Variants in PCDH15 observed in about 807,000 individuals in gnomAD.
The protein encoded by PCDH15 is protocadherin related 15.
In PCDH15, 129 loss-of-function variants were observed where a neutral mutation model predicts 178.5. The ratio of observed to expected loss-of-function variants is 0.72; its 90% CI spans 0.63 to 0.84. The LOEUF (loss-of-function observed/expected upper bound fraction) is 0.84. PCDH15 is among the 40% of genes least tolerant of loss of function. The pLI is 0.00. For synonymous variants in PCDH15, 800 were observed against 732.0 expected (o/e 1.09, Z -1.50); for missense variants, 2,230 against 2,099.9 (o/e 1.06, Z -1.21).
chr10:53,895,175 C>A (rs941912344), intron 26 of PCDH15, among the ~76,000 whole-genome samples: 2 of 152,124 alleles, frequency 1.3e-5, no homozygotes, highest in African/African-American at 4.8e-5. Flanking sequence ...GGAGCCCTAA[C>A]CTCTGTCTAG....
At chr10:54,008,645 G>C (rs1239622605) in intron 20 of PCDH15, among the ~76,000 whole-genome samples, 1 of 152,158 alleles carries the variant, frequency 6.6e-6, no homozygotes, top group Admixed American at 6.5e-5. Flanking sequence ...ACCCTCATCA[G>C]AGAAAAGGCC....
intron 14 of PCDH15, among the ~76,000 whole-genome samples, chr10:54,140,645 T>C (rs1477552836): frequency 6.6e-6 from 1 of 151,388 alleles, no homozygotes; most frequent in Non-Finnish European, 1.5e-5. Context: ...ATTTTTTGTA[T>C]TTTAGTAGAG....
chr10:55,588,761 C>G lies in PCDH15; in HGVS notation c.-156+38864G>C, dbSNP rs574982095. 2.0e-5 allele frequency among the ~76,000 whole-genome samples: 3 copies of G among 152,040 alleles called. No homozygotes were observed. The South Asian group carries it at 6.2e-4, about 32-fold the overall frequency. On this transcript the variant is annotated intron_variant, in intron 2 of 5. Transcript: ENST00000613346. ...AAAAAGGTGAATATAAAATTTTGCT[C>G]TAGCAACACTATGAAAAACTGTTCG...
intron 15 of PCDH15, among the ~76,000 whole-genome samples, chr10:54,108,163 A>G (rs1281115085): frequency 6.6e-6 from 1 of 152,134 alleles, no homozygotes; most frequent in African/African-American, 2.4e-5. Context: ...CTTTCATAAC[A>G]AGAAAATGTC....
chr10:54,686,527 T>C (rs1591052377), intron 1 of PCDH15, among the ~76,000 whole-genome samples: 1 of 152,270 alleles, frequency 6.6e-6, no homozygotes, highest in Admixed American at 6.5e-5. Flanking sequence ...TATTTCTTTT[T>C]GCACTTTAAT....
At chr10:55,440,927 T>G (rs1839169971) in intron 2 of PCDH15, among the ~76,000 whole-genome samples, 1 of 152,122 alleles carries the variant, frequency 6.6e-6, no homozygotes, top group African/African-American at 2.4e-5. Flanking sequence ...CCATTAGATC[T>G]GATGAGACTT....
chr10:54,940,103 G>A (rs1352502288), intron 2 of PCDH15, among the ~76,000 whole-genome samples: 1 of 151,980 alleles, frequency 6.6e-6, no homozygotes, highest in African/African-American at 2.4e-5. Context: ...TTTTTAAAAT[G>A]TATCAGTGTC....
At chr10:55,022,523 G>GCAAAC (rs1840356519) in intron 2 of PCDH15, among the ~76,000 whole-genome samples, 1 of 151,104 alleles carries the variant, frequency 6.6e-6, no homozygotes, top group Non-Finnish European at 1.5e-5. Flanking sequence ...GTGAGGTACT[G>GCAAAC]CATTTGTTAA....
intron 8 of PCDH15, among the ~76,000 whole-genome samples, chr10:54,293,598 A>G (rs147316085): frequency 0.013 from 2,045 of 152,314 alleles, 40 homozygotes; most frequent in South Asian, 0.045. Context: ...CAGAATCTAC[A>G]AAGAACTCAA....
chr10:53,803,781 A>G lies in PCDH15; in HGVS notation c.*2798T>C, dbSNP rs1484803321. The G allele has an allele frequency of 6.6e-6, 1 of 151,890 alleles. No individual in the cohort carries two copies. The highest frequency in any genetic ancestry group is 1.5e-5 in the Non-Finnish European group (1 of 67,870). 9.4% of individuals were successfully genotyped at this position (151,890 alleles called of 1,614,324 possible). Reference sequence around the variant, plus strand: ...GACCTTCTAAAATCAACGGGTTGCAATATTAGTCATTACATCATTCTGTTC... The same window carrying G: ...GACCTTCTAAAATCAACGGGTTGCAGTATTAGTCATTACATCATTCTGTTC... On this transcript the variant is annotated 3_prime_UTR_variant, in exon 38 of 38. Transcript: ENST00000644397.
chr10:54,146,950 GTATA>G (rs36195637), intron 14 of PCDH15, among the ~76,000 whole-genome samples: 2 of 78,472 alleles, frequency 2.5e-5, no homozygotes, highest in Non-Finnish European at 4.7e-5. Context: ...TATATATAGT[GTATA>G]TATATATAAT....
intron 2 of PCDH15, among the ~76,000 whole-genome samples, chr10:55,365,818 G>C (rs1845343568): frequency 6.6e-6 from 1 of 152,026 alleles, no homozygotes; most frequent in Non-Finnish European, 1.5e-5. Flanking sequence ...GCCCAGTCTT[G>C]AGTACATCTT....
intron 26 of PCDH15, among the ~76,000 whole-genome samples, chr10:53,900,221 CT>C (rs2082243994): frequency 6.6e-6 from 1 of 151,716 alleles, no homozygotes; most frequent in Non-Finnish European, 1.5e-5. Flanking sequence ...CTCTCTCTCT[CT>C]CTCTCTCTCT....
intron 6 of PCDH15, among the ~76,000 whole-genome samples, chr10:54,333,581 AATTAAGC>A (rs1940349303): frequency 1.3e-5 from 2 of 151,972 alleles, no homozygotes; most frequent in Non-Finnish European, 1.5e-5. Context: ...AAAAAAGCTA[AATTAAGC>A]AAGGGAAAAA....
intron 1 of PCDH15, among the ~76,000 whole-genome samples, chr10:54,766,629 T>A (rs888543039): frequency 2.0e-5 from 3 of 151,812 alleles, no homozygotes; most frequent in African/African-American, 7.3e-5. Context: ...GGTCAGAAGT[T>A]AAAAAAAGTA....
chr10:55,357,898 T>A (rs1845120276), intron 2 of PCDH15, among the ~76,000 whole-genome samples: 1 of 152,078 alleles, frequency 6.6e-6, no homozygotes, highest in Non-Finnish European at 1.5e-5. Flanking sequence ...TATATGATAA[T>A]CATTTAGATC....
intron 1 of PCDH15, among the ~76,000 whole-genome samples, chr10:54,708,316 A>G (rs2132318968): frequency 6.6e-6 from 1 of 152,322 alleles, no homozygotes; most frequent in Middle Eastern, 3.4e-3. Flanking sequence ...GATAAAAAGC[A>G]AAAGGTCATG....
At chr10:55,020,169 C>T (rs1447785694) in intron 2 of PCDH15, among the ~76,000 whole-genome samples, 2 of 149,638 alleles carry the variant, frequency 1.3e-5, no homozygotes, top group Non-Finnish European at 3.0e-5. Flanking sequence ...ATATAATATT[C>T]AATTAATCAA....
At chr10:53,896,089 A>C (rs1349342813) in intron 26 of PCDH15, among the ~76,000 whole-genome samples, 1 of 152,098 alleles carries the variant, frequency 6.6e-6, no homozygotes, top group African/African-American at 2.4e-5. Flanking sequence ...TACTTGTTTT[A>C]TTTTAATTGA....
Sources: gnomAD v4.1 joint callset for allele counts (sites outside exome capture counted in the v4.1 genomes callset) on GRCh38, gnomAD v4.1.1 for gene constraint, MANE v1.5 for transcripts, NCBI Gene and HGNC (gene_info 2026-07-23, HGNC 2026-07-21) for gene names.